The following NAV3 variants were observed in gnomAD, a reference collection of about 807,000 sequenced individuals.
The protein encoded by NAV3 is neuron navigator 3.
Under a neutral mutation model 244.7 loss-of-function variants are expected in NAV3, and 87 were observed. That is an observed-to-expected ratio of 0.36 (90% CI 0.30 to 0.42). The LOEUF is 0.42. Among genes scored for constraint, NAV3 ranks in the 20% least tolerant of loss-of-function variants. NAV3 has a pLI of 1.00. For synonymous variants in NAV3, 1,126 were observed against 1,042.2 expected (o/e 1.08, Z -1.55); for missense variants, 2,663 against 2,893.3 (o/e 0.92, Z 1.83).
At chr12:77,927,397 C>T (rs11107419) in intron 1 of NAV3, among the ~76,000 whole-genome samples, 34,919 of 152,066 alleles carry the variant, frequency 0.23, 4,642 homozygotes, top group East Asian at 0.33. Flanking sequence ...TCCTTTTGTA[C>T]GAGCTGAGAG....
At chr12:77,659,461 C>T (rs2137029452) in intron 2 of NAV3, among the ~76,000 whole-genome samples, 1 of 152,280 alleles carries the variant, frequency 6.6e-6, no homozygotes, top group Admixed American at 6.5e-5. Flanking sequence ...CAAGAAACAA[C>T]AGGTGCTGGA....
chr12:77,706,803 G>A (rs747952012), intron 2 of NAV3, among the ~76,000 whole-genome samples: 8 of 147,146 alleles, frequency 5.4e-5, no homozygotes, highest in East Asian at 2.0e-4. Context: ...CCCGGGAGGC[G>A]GAGCTTGCAG....
Position 78,112,353 on chromosome 12 carries a change from T to G in NAV3, c.2637-4419T>G, listed in dbSNP as rs565878921. On this transcript the variant is annotated intron_variant, in intron 12 of 39. Coordinates refer to ENST00000397909, the MANE Select transcript of NAV3 (RefSeq NM_001024383.2). ...GAGCTTTTTATATCCTATTTTTGGG[T>G]GGTAAAGGTCATTCTATTAGTCTGT... Among the ~76,000 whole-genome samples, 11 of 152,282 alleles carry G rather than the reference T, an allele frequency of 7.2e-5. No homozygotes were observed. The South Asian group carries it at 2.1e-3, about 29-fold the overall frequency.
intron 2 of NAV3, among the ~76,000 whole-genome samples, chr12:77,643,184 G>A (rs1020813056): frequency 6.6e-6 from 1 of 151,786 alleles, no homozygotes; most frequent in Non-Finnish European, 1.5e-5. Context: ...ATACAGAATT[G>A]TTTTACTTCT....
intron 25 of NAV3, among the ~76,000 whole-genome samples, chr12:78,176,155 T>C (rs1260928638): frequency 1.3e-5 from 2 of 151,948 alleles, no homozygotes; most frequent in Non-Finnish European, 2.9e-5. Context: ...TATTGATCAA[T>C]AGCTAAATAG....
At chr12:78,142,773 G>T (rs1240372626) in intron 20 of NAV3, among the ~76,000 whole-genome samples, 5 of 144,998 alleles carry the variant, frequency 3.4e-5, no homozygotes, top group African/African-American at 1.3e-4. Context: ...ATGGAGGTAG[G>T]GTATATCCTA....
chr12:77,614,184 C>T (rs1871056998), intron 2 of NAV3, among the ~76,000 whole-genome samples: 1 of 147,984 alleles, frequency 6.8e-6, no homozygotes. Context: ...CTCTTAGCAG[C>T]ATCTCTGGCC....
At position 78,119,349 on chromosome 12, in the gene NAV3, GC is replaced by G; in HGVS notation, c.3159del (p.Ser1054GlnfsTer20). The stretch of plus-strand genomic sequence containing the variant: ...AAAGCAGTGGAGATGAAGGGAAAAA[GC>G]CCCCCTCAGGCATTGGAAGATCGAC... ...GKSSGDEGKK[P>X]PSGIGRSTAT... is the part of the protein sequence containing the mutation. On this transcript the variant is annotated frameshift_variant, in exon 15 of 40. Transcript: ENST00000397909. LOFTEE classifies it high-confidence loss of function. 1 of 1,614,092 alleles carries G rather than the reference GC, an allele frequency of 6.2e-7. No individual in the cohort carries two copies. The highest frequency in any genetic ancestry group is 8.5e-7 in the Non-Finnish European group (1 of 1,180,010).
intron 11 of NAV3, 130 bp from the exon 12 acceptor site, chr12:78,058,866 A>C (rs1593423919): frequency 4.2e-6 from 3 of 708,078 alleles, no homozygotes; most frequent in South Asian, 3.1e-5. Context: ...GTTTATACAG[A>C]ATAAAAAACA....
At chr12:77,882,823 G>GA (rs1208239964) in intron 1 of NAV3, among the ~76,000 whole-genome samples, 1 of 152,064 alleles carries the variant, frequency 6.6e-6, no homozygotes, top group Non-Finnish European at 1.5e-5. Flanking sequence ...ATGAACATAT[G>GA]AAAAAATGCT....
chr12:78,032,532 T>C (rs1349505965), intron 9 of NAV3, among the ~76,000 whole-genome samples: 1 of 152,204 alleles, frequency 6.6e-6, no homozygotes, highest in Non-Finnish European at 1.5e-5. Context: ...TAAATTTGCT[T>C]TTGCTTATTA....
At chr12:77,906,902 T>C (rs1886039386) in intron 1 of NAV3, among the ~76,000 whole-genome samples, 1 of 152,118 alleles carries the variant, frequency 6.6e-6, no homozygotes, top group African/African-American at 2.4e-5. Flanking sequence ...CTATATGAAA[T>C]ACAGTTGCCA....
Position 77,720,764 on chromosome 12 carries a change from A to G in NAV3, c.72+148498A>G, listed in dbSNP as rs80292836. 8.6e-3 allele frequency among the ~76,000 whole-genome samples: 1,303 copies of G among 152,214 alleles called. 16 individuals are homozygous for G. Among genetic ancestry groups the G allele is most frequent in the African/African-American group, 0.03 (1,247 of 41,538 alleles). On this transcript the variant is annotated intron_variant, in intron 2 of 8. Transcript: ENST00000550042. ...CTGCCAGCTTTGATGCAGTGGTTTC[A>G]TGCTCACTGAGGTGTAGGAGCCTCT...
At chr12:78,041,354 T>G (rs1880823218) in intron 9 of NAV3, among the ~76,000 whole-genome samples, 1 of 152,200 alleles carries the variant, frequency 6.6e-6, no homozygotes. Flanking sequence ...GGCAGCACAA[T>G]GGTGGCTGTT....
chr12:78,022,503 G>T (rs1877325698), intron 9 of NAV3, among the ~76,000 whole-genome samples: 1 of 151,962 alleles, frequency 6.6e-6, no homozygotes, highest in South Asian at 2.1e-4. Context: ...AAAATATATT[G>T]CCCCTAAAGG....
At chr12:78,206,965 TCTC>T (rs1199022236) in intron 39 of NAV3, among the ~76,000 whole-genome samples, 1 of 149,512 alleles carries the variant, frequency 6.7e-6, no homozygotes, top group Non-Finnish European at 1.5e-5. Flanking sequence ...TTCAAGCAAT[TCTC>T]CTGCCTCAGC....
intron 28 of NAV3, among the ~76,000 whole-genome samples, chr12:78,178,725 C>G (rs1229372584): frequency 1.3e-5 from 2 of 152,092 alleles, no homozygotes; most frequent in Non-Finnish European, 2.9e-5. Flanking sequence ...ATCATTTATG[C>G]AGAAAGGAAG....
At chr12:77,655,865 T>C (rs1873074259) in intron 2 of NAV3, among the ~76,000 whole-genome samples, 1 of 150,842 alleles carries the variant, frequency 6.6e-6, no homozygotes, top group African/African-American at 2.5e-5. Flanking sequence ...CTAAGCTTCA[T>C]AAGTGAAGGA....
rs1166241606 is a variant in NAV3 at position 77,705,504 on chromosome 12, C to T, written c.72+133238C>T. ...GATCTTAAAATTATGAAATGGCTTT[C>T]GACCTTGTCCCCAAAGTTATACTCT... On this transcript the variant is annotated intron_variant, in intron 2 of 8. Transcript: ENST00000550042. Among the ~76,000 whole-genome samples the T allele has an allele frequency of 1.1e-4, 17 of 151,594 alleles. 2 individuals carry two copies. The highest frequency in any genetic ancestry group is 3.4e-4 in the African/African-American group (14 of 41,024).
Sources: allele counts gnomAD v4.1 joint callset (sites outside exome capture counted in the v4.1 genomes callset), GRCh38; gene constraint gnomAD v4.1.1; transcripts MANE v1.5; gene names NCBI Gene and HGNC (gene_info 2026-07-23, HGNC 2026-07-21).